Variants in SMARCE1 observed in about 807,000 individuals in gnomAD.
SMARCE1 encodes the protein SWI/SNF related BAF chromatin remodeling complex subunit E1, also known as SWI/SNF-related matrix-associated actin-dependent regulator of chromatin subfamily E member 1.
Under a neutral mutation model 54.9 loss-of-function variants are expected in SMARCE1, and 13 were observed. The ratio of observed to expected loss-of-function variants is 0.24; its 90% CI spans 0.15 to 0.38. SMARCE1 has a LOEUF of 0.38. Among genes scored for constraint, SMARCE1 ranks in the 10% least tolerant of loss-of-function variants. The pLI, the probability that SMARCE1 is intolerant of heterozygous loss-of-function variation, is 1.00. For missense variants in SMARCE1, 295 were observed against 523.8 expected, an observed-to-expected ratio of 0.56 and a Z score of 4.26; for synonymous variants, 151 against 175.3, an observed-to-expected ratio of 0.86 and a Z score of 1.10.
intron 4 of SMARCE1, among the ~76,000 whole-genome samples, chr17:40,639,524 C>A (rs1351040942): frequency 6.6e-6 from 1 of 152,032 alleles, no homozygotes; most frequent in African/African-American, 2.4e-5. Flanking sequence ...TGATATTTTT[C>A]AAAGAATCAC....
At chr17:40,632,438 C>T (rs2037104492) in intron 7 of SMARCE1, 71 bp from the exon 8 acceptor site, 1 of 1,364,912 alleles carries the variant, frequency 7.3e-7, no homozygotes, top group Middle Eastern at 1.8e-4. Flanking sequence ...AATGTTAACA[C>T]TTAATTACCA....
At chr17:40,629,999 G>C (rs2037074170) in intron 10 of SMARCE1, 7 of 419,162 alleles carry the variant, frequency 1.7e-5, no homozygotes, top group Non-Finnish European at 2.9e-5. Flanking sequence ...TATGACTACT[G>C]TCCCTCCCAC....
In SMARCE1 at chr17:40,642,220, A is replaced by T. The variant is rs1287515094; in HGVS notation, c.156+235T>A. The T allele has an allele frequency of 1.6e-6, 1 of 611,524 alleles. No individual in the cohort carries two copies. The highest frequency in any genetic ancestry group is 1.9e-5 in the African/African-American group (1 of 53,978). 37.9% of individuals were successfully genotyped at this position (611,524 alleles called of 1,614,324 possible). A position where few individuals can be genotyped will look rare whatever the true frequency, so the allele number is the denominator to read the frequency against. ...ATAAGCATCAAGTGCTCAAGGCTTT[A>T]ACCCTACCAACCACCAAACAGAATG... On this transcript the variant is annotated intron_variant, in intron 4 of 10. Coordinates refer to ENST00000348513, the MANE Select transcript of SMARCE1 (RefSeq NM_003079.5). The surrounding 1 kb of genome is among the most constrained non-coding windows in gnomAD (Gnocchi z 4.6).
chr17:40,633,895 T>C (rs2037120700), intron 7 of SMARCE1: 1 of 152,256 alleles, frequency 6.6e-6, no homozygotes, highest in African/African-American at 2.4e-5. Flanking sequence ...GTTTTTGTTG[T>C]TAGCTTTTGT....
At chr17:40,629,744 C>A in intron 10 of SMARCE1, 1 of 393,368 alleles carries the variant, frequency 2.5e-6, no homozygotes, top group Non-Finnish European at 4.5e-6. Context: ...TGTCTAGTTG[C>A]AAAATTAGCA....
In SMARCE1 at chr17:40,637,304, C is replaced by T. The variant is rs8075684; in HGVS notation, c.237+188G>A. On this transcript the variant is annotated intron_variant, in intron 5 of 10. Transcript: ENST00000348513. Reference sequence around the variant, plus strand: ...AGGATTTTAACAGTTTATTTAATCACGCTCCTCTTGTTGGATTTTAGTTCT... The same window carrying T: ...AGGATTTTAACAGTTTATTTAATCATGCTCCTCTTGTTGGATTTTAGTTCT... 0.034 allele frequency: 21,211 copies of T among 619,324 alleles called. 3,395 individuals are homozygous for T. The African/African-American group carries it at 0.34, about 10-fold the overall frequency. The allele number at this position is 619,324 out of a possible 1,614,324, so 38.4% of individuals were successfully genotyped here.
Position 40,642,844 on chromosome 17 carries a change from C to A in SMARCE1, c.52-285G>T. 1 of 372,770 alleles carries A rather than the reference C, an allele frequency of 2.7e-6. No homozygotes were observed. The highest frequency in any genetic ancestry group is 4.8e-6 in the Non-Finnish European group (1 of 208,248). 23.1% of individuals were successfully genotyped at this position (372,770 alleles called of 1,614,324 possible). On this transcript the variant is annotated intron_variant, in intron 3 of 10. Coordinates refer to ENST00000348513, the MANE Select transcript of SMARCE1 (RefSeq NM_003079.5). This position sits in a 1 kb window ranked among gnomAD's most constrained non-coding sequence, Gnocchi z 4.6. ...GTGTTTTGTTTTTTGAGGTAAGCAA[C>A]ACACTGAAGTGTTTAAAACATTCAG...
intron 4 of SMARCE1, among the ~76,000 whole-genome samples, chr17:40,639,736 T>C (rs2037179319): frequency 1.3e-5 from 2 of 152,198 alleles, no homozygotes; most frequent in Admixed American, 6.5e-5. Flanking sequence ...CTCCAATTTA[T>C]TTAACGTCTC....
intron 6 of SMARCE1, 55 bp downstream of exon 6, chr17:40,636,340 C>T: frequency 1.3e-6 from 2 of 1,543,244 alleles, no homozygotes; most frequent in Non-Finnish European, 1.8e-6. Flanking sequence ...AAATAGTAAG[C>T]CAATGTTTTA....
Position 40,631,614 on chromosome 17 carries a change from GAA to G in SMARCE1, c.792_793del (p.Ser265IlefsTer2). On this transcript the variant is annotated frameshift_variant, in exon 9 of 11. Transcript: ENST00000348513. LOFTEE classifies it high-confidence loss of function. ...TACCCTTTTAAGTTCATTGTTAAAT[GAA>G]TCTGTGCTTTCCAGGAATTTCCTCT... The G allele has an allele frequency of 6.3e-7, 1 of 1,587,426 alleles. No individual in the cohort carries two copies.
Position 40,630,944 on chromosome 17 carries a change from A to T in SMARCE1, c.817-20T>A, listed in dbSNP as rs2143985329. On this transcript the variant is annotated intron_variant, in intron 9 of 10. Coordinates refer to ENST00000348513, the MANE Select transcript of SMARCE1 (RefSeq NM_003079.5). Reference sequence around the variant, plus strand: ...GCACAACTAATCAGAAAAAAACAGAACTCCGTAATGTTTTTTCCTTATAAT... The same window carrying T: ...GCACAACTAATCAGAAAAAAACAGATCTCCGTAATGTTTTTTCCTTATAAT... The T allele has an allele frequency of 1.3e-6, 2 of 1,592,224 alleles. No individual in the cohort carries two copies. The highest frequency in any genetic ancestry group is 1.7e-6 in the Non-Finnish European group (2 of 1,165,752).
chr17:40,632,840 G>A (rs2037108782), intron 7 of SMARCE1: 1 of 152,992 alleles, frequency 6.5e-6, no homozygotes, highest in South Asian at 2.1e-4. Flanking sequence ...TATGACAGCA[G>A]AGAATACATC....
rs1239356247 is a variant in SMARCE1 at position 40,625,708 on chromosome 17, A to G, written c.*3077T>C. On this transcript the variant is annotated 3_prime_UTR_variant, in exon 11 of 11. Coordinates refer to ENST00000348513, the MANE Select transcript of SMARCE1 (RefSeq NM_003079.5). Reference sequence around the variant, plus strand: ...ACCAAAAATCTGGAGGGATCTAGTTAAACTTCAATATGCATGACCCCAGAT... The same window carrying G: ...ACCAAAAATCTGGAGGGATCTAGTTGAACTTCAATATGCATGACCCCAGAT... The G allele has an allele frequency of 6.6e-6, 1 of 152,196 alleles. No individual in the cohort carries two copies. The highest frequency in any genetic ancestry group is 1.5e-5 in the Non-Finnish European group (1 of 68,026). The allele number at this position is 152,196 out of a possible 1,614,324, so 9.4% of individuals were successfully genotyped here.
At chr17:40,647,236 TCA>T (rs1388953528) in intron 1 of SMARCE1, 2 of 152,176 alleles carry the variant, frequency 1.3e-5, no homozygotes, top group African/African-American at 4.8e-5. Context: ...CGCTTAACAC[TCA>T]CAAGTACTTT....
At position 40,631,692 on chromosome 17, in the gene SMARCE1, C is replaced by T. The variant is rs1240408861; in HGVS notation, c.716G>A (p.Arg239Gln). 4.5e-6 allele frequency: 7 copies of T among 1,571,002 alleles called. No homozygotes were observed. Among genetic ancestry groups the T allele is most frequent in the East Asian group, 2.2e-5 (1 of 44,596 alleles). ...TTGAAGAAGTTCAGCTTCTAGTTTT[C>T]GCTGCAAGACAGGATCAGGCTTCAT... ...RQVQSLMVHQ[R>Q]KLEAELLQIE... The change falls in exon 9 of 11, where the codon CGA (arginine) becomes CAA (glutamine). Residue 239 changes from arginine (R) to glutamine (Q), a missense_variant and splice_region_variant. Arg to Gln is a conservative substitution (Grantham distance 43). Coordinates refer to ENST00000348513, the MANE Select transcript of SMARCE1 (RefSeq NM_003079.5).
chr17:40,643,116 G>A (rs896002422), intron 3 of SMARCE1: 1 of 152,156 alleles, frequency 6.6e-6, no homozygotes, highest in Non-Finnish European at 1.5e-5. Context: ...GACTCAAATC[G>A]GGAAGCCAGG....
At chr17:40,629,622 C>CTGAA (rs1003397604) in intron 10 of SMARCE1, 15 of 721,816 alleles carry the variant, frequency 2.1e-5, no homozygotes, top group Non-Finnish European at 2.9e-5. Context: ...AAACGATTTT[C>CTGAA]TTCAGGTTTT....
At position 40,636,675 on chromosome 17, in the gene SMARCE1, T is replaced by C; in HGVS notation, c.238-149A>G. ...ACTCATCAGCCTACTTCAAAAATTATCAAGAACTGGCCAATCTCAAGTTAT... is the reference window on the plus strand; with the variant it reads ...ACTCATCAGCCTACTTCAAAAATTACCAAGAACTGGCCAATCTCAAGTTAT... On this transcript the variant is annotated intron_variant, in intron 5 of 10. Transcript: ENST00000348513. The C allele has an allele frequency of 5.0e-6, 3 of 598,598 alleles. No individual in the cohort carries two copies. In the South Asian group the frequency reaches 6.5e-5, roughly 13 times the overall value. 37.1% of individuals were successfully genotyped at this position (598,598 alleles called of 1,614,324 possible).
At chr17:40,631,745 T>C in intron 8 of SMARCE1, 52 bp from the exon 9 acceptor site, 3 of 994,390 alleles carry the variant, frequency 3.0e-6, no homozygotes, top group Non-Finnish European at 4.8e-6. Context: ...TAATGGTCCA[T>C]ACTTTCAAAC....
Sources: allele counts gnomAD v4.1 joint callset (sites outside exome capture counted in the v4.1 genomes callset), GRCh38; gene constraint gnomAD v4.1.1; non-coding constraint Gnocchi (gnomAD v3.1); transcripts MANE v1.5; gene names NCBI Gene and HGNC (gene_info 2026-07-23, HGNC 2026-07-21).